The following ACSL6 variants were observed in gnomAD, a reference collection of about 807,000 sequenced individuals.
The protein encoded by ACSL6 is long-chain-fatty-acid--CoA ligase 6.
In ACSL6, 47 loss-of-function variants were observed where a neutral mutation model predicts 98.2. The ratio of observed to expected loss-of-function variants is 0.48; its 90% CI spans 0.38 to 0.61. The LOEUF (loss-of-function observed/expected upper bound fraction) is 0.61, where lower values mean the gene tolerates loss of function less well. ACSL6 is among the 20% of genes least tolerant of loss of function. ACSL6 has a pLI of 0.00. For synonymous variants in ACSL6, 362 were observed against 336.9 expected (o/e 1.07, Z -0.82); for missense variants, 761 against 913.4 (o/e 0.83, Z 2.15).
At chr5:131,991,615 G>T (rs1754518997) in intron 2 of ACSL6, among the ~76,000 whole-genome samples, 1 of 152,132 alleles carries the variant, frequency 6.6e-6, no homozygotes, top group South Asian at 2.1e-4. Flanking sequence ...GGTGCAGAGT[G>T]GGAAGGTGGC....
At position 131,970,312 on chromosome 5, in the gene ACSL6, C is replaced by T. The variant is rs1261096337; in HGVS notation, c.1435-112G>A. 1.1e-5 allele frequency: 10 copies of T among 933,664 alleles called. No homozygotes were observed. In the African/African-American group the frequency reaches 1.6e-4, roughly 15 times the overall value. The allele number at this position is 933,664 out of a possible 1,614,324, so 57.8% of individuals were successfully genotyped here. On this transcript the variant is annotated intron_variant, in intron 14 of 20. Transcript: ENST00000651883. ...TGAGCGTGTCTGACTGCTTCATGAT[C>T]AGGGCGATGGAGGGAGGGAGGTGCT...
In ACSL6 at chr5:131,972,723, C is replaced by A; in HGVS notation, c.1338+1G>T. On this transcript the variant is annotated splice_donor_variant, in intron 13 of 20. Transcript: ENST00000651883. LOFTEE classifies it high-confidence loss of function. ...CTATAATCACTTGTTCATTTTCTTA[C>A]CTGAATCTTATTAAAGAAGAGTTCA... 1 of 1,614,124 alleles carries A rather than the reference C, an allele frequency of 6.2e-7. No individual in the cohort carries two copies. The highest frequency in any genetic ancestry group is 8.5e-7 in the Non-Finnish European group (1 of 1,180,022).
intron 8 of ACSL6, 108 bp downstream of exon 8, chr5:131,986,714 G>T: frequency 7.2e-7 from 1 of 1,383,070 alleles, no homozygotes; most frequent in South Asian, 1.2e-5. Context: ...GCACACAGGA[G>T]TTGCTTATTA....
At position 131,962,687 on chromosome 5, in the gene ACSL6, T is replaced by G; in HGVS notation, c.1714-9A>C. The stretch of plus-strand genomic sequence containing the variant: ...ATTTTAAGAGTTCCTGCCTGTAGAG[T>G]TGGACAAACAGCTTTATAAGAACAT... On this transcript the variant is annotated splice_polypyrimidine_tract_variant and intron_variant, in intron 17 of 20. Coordinates refer to ENST00000651883, the MANE Select transcript of ACSL6 (RefSeq NM_001009185.3). 2 of 1,613,658 alleles carry G rather than the reference T, an allele frequency of 1.2e-6. No homozygotes were observed. The highest frequency in any genetic ancestry group is 8.5e-7 in the Non-Finnish European group (1 of 1,179,738).
At chr5:131,966,069 C>G (rs1246508923) in intron 17 of ACSL6, among the ~76,000 whole-genome samples, 1 of 152,192 alleles carries the variant, frequency 6.6e-6, no homozygotes. Flanking sequence ...GCAGGCCTTG[C>G]CCTTCTCAGA....
At position 131,951,015 on chromosome 5, in the gene ACSL6, T is replaced by C. The variant is rs648304; in HGVS notation, c.*3219A>G. The C allele has an allele frequency of 0.36, 69,975 of 195,558 alleles. 15,064 individuals carry two copies. The highest frequency in any genetic ancestry group is 0.63 in the African/African-American group (27,356 of 43,276). 12.1% of individuals were successfully genotyped at this position (195,558 alleles called of 1,614,324 possible). A position where few individuals can be genotyped will look rare whatever the true frequency, so the allele number is the denominator to read the frequency against. On this transcript the variant is annotated 3_prime_UTR_variant, in exon 21 of 21. Coordinates refer to ENST00000651883, the MANE Select transcript of ACSL6 (RefSeq NM_001009185.3). ...CTATACCTGACCAGAGTCCCGTCTC[T>C]CATTTGCAAGGGAAGTCTCAATATT...
At chr5:131,960,420 C>T (rs1018328783) in intron 19 of ACSL6, 100 bp downstream of exon 19, 46 of 891,680 alleles carry the variant, frequency 5.2e-5, no homozygotes, top group South Asian at 2.4e-4. Flanking sequence ...AAATTTCGTA[C>T]GAGCTCGAAT....
At chr5:132,005,738 G>A (rs987388452) in intron 1 of ACSL6, among the ~76,000 whole-genome samples, 3 of 152,218 alleles carry the variant, frequency 2.0e-5, no homozygotes, top group African/African-American at 4.8e-5. Flanking sequence ...ATGAGTTGGA[G>A]GGAAAAGCAG....
intron 1 of ACSL6, among the ~76,000 whole-genome samples, chr5:132,000,561 C>T (rs1027394689): frequency 1.3e-5 from 2 of 152,198 alleles, no homozygotes; most frequent in South Asian, 2.1e-4. Context: ...ATTTCCATGG[C>T]TAACATGTGG....
chr5:131,994,144 T>A lies in ACSL6; in HGVS notation c.157A>T (p.Thr53Ser). ...AGGGCACCCATACTCACGAGGGTGG[T>A]GGCCGAGAGGCTGCGGAAAAACTGT... is the stretch of plus-strand genomic sequence containing the variant. ...LGQFFRSLSA[T>S]TLVSMGALAA... Residue 53 changes from threonine to serine, a missense_variant, in exon 2 of 21, where the codon ACC becomes TCC. Transcript: ENST00000651883. 6.2e-7 allele frequency: 1 copy of A among 1,614,186 alleles called. No homozygotes were observed. Among genetic ancestry groups the A allele is most frequent in the Non-Finnish European group, 8.5e-7 (1 of 1,180,038 alleles).
chr5:132,009,522 G>T (rs560772804), intron 1 of ACSL6, among the ~76,000 whole-genome samples: 1 of 152,300 alleles, frequency 6.6e-6, no homozygotes, highest in African/African-American at 2.4e-5. Flanking sequence ...AACTTAAAAT[G>T]CCCCAGCAAT....
intron 13 of ACSL6, among the ~76,000 whole-genome samples, chr5:131,972,473 C>T (rs1180584163): frequency 1.3e-5 from 2 of 152,152 alleles, no homozygotes; most frequent in Non-Finnish European, 2.9e-5. Context: ...CACACTGTTG[C>T]CTGTGGAGAT....
chr5:131,985,281 G>A, intron 9 of ACSL6, 126 bp downstream of exon 9: 1 of 1,232,626 alleles, frequency 8.1e-7, no homozygotes, highest in East Asian at 2.5e-5. Context: ...CCAGTGTCTG[G>A]AGCCAGGAAC....
In ACSL6 at chr5:131,953,034, A is replaced by C. The variant is rs1752231582; in HGVS notation, c.*1200T>G. On this transcript the variant is annotated 3_prime_UTR_variant, in exon 21 of 21. Coordinates refer to ENST00000651883, the MANE Select transcript of ACSL6 (RefSeq NM_001009185.3). ...CACATTGGGAATGGAAGACTAGAAG[A>C]CCCCAGCAAGGAATGTAGGTACATT... 1.9e-5 allele frequency: 4 copies of C among 207,004 alleles called. No homozygotes were observed. Among genetic ancestry groups the C allele is most frequent in the African/African-American group, 9.1e-5 (4 of 43,894 alleles). 12.8% of individuals were successfully genotyped at this position (207,004 alleles called of 1,614,324 possible).
chr5:131,970,410 TA>T (rs1446658015), intron 14 of ACSL6, among the ~76,000 whole-genome samples: 1 of 149,236 alleles, frequency 6.7e-6, no homozygotes, highest in Non-Finnish European at 1.5e-5. Flanking sequence ...GAAGAAGTGC[TA>T]TTTTTTTTTT....
At chr5:131,970,992 T>C (rs1418932019) in intron 14 of ACSL6, among the ~76,000 whole-genome samples, 1 of 152,096 alleles carries the variant, frequency 6.6e-6, no homozygotes, top group African/African-American at 2.4e-5. Context: ...GCAGAAAAAT[T>C]TAAGCACGCA....
intron 3 of ACSL6, 117 bp from the exon 4 acceptor site, chr5:131,990,281 G>T: frequency 1.0e-6 from 1 of 979,900 alleles, no homozygotes; most frequent in Non-Finnish European, 1.6e-6. Flanking sequence ...CATGGGCCAA[G>T]TGAACTGCCC....
intron 9 of ACSL6, chr5:131,984,477 A>G (rs556164961): frequency 5.8e-4 from 88 of 152,386 alleles, no homozygotes; most frequent in African/African-American, 2.1e-3. Flanking sequence ...TGAGATGGAA[A>G]GGCAGCACTG....
Position 131,972,770 on chromosome 5 carries a change from A to T in ACSL6, c.1292T>A (p.Ile431Asn). ...RKQAEVRSGI[I>N]RNDSIWDELF... ...TTCATCCCAGATACTATCATTCCTG[A>T]TGATTCCACTCCGGACCTCGGCTTG... Residue 431 changes from isoleucine (I) to asparagine (N), a missense_variant, in exon 13 of 21, where the codon ATC becomes AAC. Physicochemically the swap from Ile to Asn is moderately radical, Grantham distance 149. Transcript: ENST00000651883. 1 of 1,614,188 alleles carries T rather than the reference A, an allele frequency of 6.2e-7. No homozygotes were observed. The highest frequency in any genetic ancestry group is 8.5e-7 in the Non-Finnish European group (1 of 1,180,028).
Sources: gnomAD v4.1 joint callset for allele counts (sites outside exome capture counted in the v4.1 genomes callset) on GRCh38, gnomAD v4.1.1 for gene constraint, MANE v1.5 for transcripts, NCBI Gene and HGNC (gene_info 2026-07-23, HGNC 2026-07-21) for gene names.